The following ESRRG variants were observed in gnomAD, a reference collection of about 807,000 sequenced individuals.
ESRRG encodes estrogen related receptor gamma.
A neutral mutation model predicts 44.0 loss-of-function variants in ESRRG; 13 were observed. The ratio of observed to expected loss-of-function variants is 0.30; its 90% CI spans 0.19 to 0.47. The LOEUF (loss-of-function observed/expected upper bound fraction) is 0.47, where lower values mean the gene tolerates loss of function less well. Ranked by LOEUF, ESRRG falls within the 20% of genes least tolerant of loss-of-function variation. ESRRG has a pLI of 1.00. For missense variants in ESRRG, 395 were observed against 580.6 expected (o/e 0.68, Z 3.29); for synonymous variants, 215 against 214.6 (o/e 1.00, Z -0.02).
At chr1:216,836,903 A>G (rs2095573931) in intron 2 of ESRRG, among the ~76,000 whole-genome samples, 1 of 152,172 alleles carries the variant, frequency 6.6e-6, no homozygotes, top group Non-Finnish European at 1.5e-5. Flanking sequence ...AACTGAGAAT[A>G]ATCCCAGATA....
chr1:217,036,266 T>C (rs887046356), intron 1 of ESRRG, among the ~76,000 whole-genome samples: 2 of 152,122 alleles, frequency 1.3e-5, no homozygotes, highest in Admixed American at 1.3e-4. Context: ...TTTCTCAAAG[T>C]CCTAAAGACA....
In ESRRG at chr1:216,535,086, T is replaced by A. The variant is rs190292589; in HGVS notation, c.863-15665A>T. ...TGGGTGTATGTAAGAGGCAAGGGTGTTCATAGGCAAAAGAATGTAATATTG... is the reference window on the plus strand; with the variant it reads ...TGGGTGTATGTAAGAGGCAAGGGTGATCATAGGCAAAAGAATGTAATATTG... On this transcript the variant is annotated intron_variant, in intron 5 of 6. Coordinates refer to ENST00000408911, the MANE Select transcript of ESRRG (RefSeq NM_001438.4). Among the ~76,000 whole-genome samples, 340 of 152,152 alleles carry A rather than the reference T, an allele frequency of 2.2e-3. 2 individuals are homozygous for A. Among genetic ancestry groups the A allele is most frequent in the Non-Finnish European group, 2.6e-3 (175 of 68,010 alleles).
chr1:216,737,777 TAA>T lies in ESRRG; in HGVS notation c.-13-60288_-13-60287del, dbSNP rs71817414. ...AGAACAACAATTAGCAAGAAGGGATTAAAAAAAAAAAACAATAAACTTATCTG... is the reference window on the plus strand; with the variant it reads ...AGAACAACAATTAGCAAGAAGGGATTAAAAAAAAAACAATAAACTTATCTG... On this transcript the variant is annotated intron_variant, in intron 2 of 7. Coordinates refer to the ESRRG transcript ENST00000359162. Among the ~76,000 whole-genome samples, 527 of 147,698 alleles carry T rather than the reference TAA, an allele frequency of 3.6e-3. 2 individuals are homozygous for T. The highest frequency in any genetic ancestry group is 0.011 in the African/African-American group (433 of 40,038).
intron 3 of ESRRG, among the ~76,000 whole-genome samples, chr1:216,647,051 G>A (rs2067756674): frequency 6.6e-6 from 1 of 152,076 alleles, no homozygotes; most frequent in Non-Finnish European, 1.5e-5. Flanking sequence ...GTTTGCTACT[G>A]ACAGTGAGCA....
chr1:216,971,414 G>A (rs2789554), intron 1 of ESRRG, among the ~76,000 whole-genome samples: 78,245 of 151,960 alleles, frequency 0.51, 21,912 homozygotes, highest in Middle Eastern at 0.7. Flanking sequence ...TTGGAAATGC[G>A]TGTCATCCAA....
intron 3 of ESRRG, among the ~76,000 whole-genome samples, chr1:216,585,933 G>A (rs1367519708): frequency 2.6e-5 from 4 of 152,088 alleles, no homozygotes; most frequent in African/African-American, 7.2e-5. Context: ...TCAGCTACTC[G>A]GGAGGCTGAG....
intron 1 of ESRRG, among the ~76,000 whole-genome samples, chr1:216,978,617 C>A (rs772953604): frequency 2.6e-4 from 39 of 152,194 alleles, no homozygotes; most frequent in Non-Finnish European, 5.0e-4. Context: ...TCATGGACAA[C>A]CCAGTTTCTC....
At chr1:216,774,450 C>T (rs2093513645) in intron 2 of ESRRG, among the ~76,000 whole-genome samples, 1 of 152,082 alleles carries the variant, frequency 6.6e-6, no homozygotes, top group Admixed American at 6.6e-5. Flanking sequence ...CTTCAGTCTC[C>T]TCTGTACATC....
At chr1:217,121,090 A>G (rs1036658055) in intron 1 of ESRRG, among the ~76,000 whole-genome samples, 3 of 151,126 alleles carry the variant, frequency 2.0e-5, no homozygotes, top group Non-Finnish European at 4.4e-5. Context: ...GTTACAGCAG[A>G]GGTGTCAGCT....
intron 1 of ESRRG, among the ~76,000 whole-genome samples, chr1:217,113,652 C>T (rs1209177033): frequency 1.3e-5 from 2 of 152,012 alleles, no homozygotes. Flanking sequence ...GAAGGAAAAC[C>T]TTACTTGATT....
At chr1:216,933,462 T>G (rs1342169629) in intron 2 of ESRRG, among the ~76,000 whole-genome samples, 1 of 152,038 alleles carries the variant, frequency 6.6e-6, no homozygotes, top group Non-Finnish European at 1.5e-5. Context: ...GTTTGAAAAT[T>G]TGGGGCACTG....
chr1:216,558,369 G>A (rs1051223019), intron 5 of ESRRG, among the ~76,000 whole-genome samples: 16 of 152,082 alleles, frequency 1.1e-4, no homozygotes, highest in African/African-American at 2.7e-4. Flanking sequence ...TCGTTTAGAC[G>A]CCAATGGTCC....
In ESRRG at chr1:216,837,388, G is replaced by A. The variant is rs77210708; in HGVS notation, c.-14+102194C>T. Among the ~76,000 whole-genome samples the A allele has an allele frequency of 2.8e-5, 4 of 143,638 alleles. No individual in the cohort carries two copies. The East Asian group carries it at 8.0e-4, about 29-fold the overall frequency. 94.2% of individuals were successfully genotyped at this position (143,638 alleles called of 152,430 possible). A position where few individuals can be genotyped will look rare whatever the true frequency, so the allele number is the denominator to read the frequency against. On this transcript the variant is annotated intron_variant, in intron 2 of 7. Coordinates refer to the ESRRG transcript ENST00000359162. ...ATCGTGCCACCGCACTCCAGCCTGG[G>A]CAACACAGCAAGACTCCGTATCAAA...
At chr1:216,529,533 G>A (rs1396256497) in intron 5 of ESRRG, among the ~76,000 whole-genome samples, 1 of 152,128 alleles carries the variant, frequency 6.6e-6, no homozygotes, top group African/African-American at 2.4e-5. Context: ...GCTTCAAAAA[G>A]AGATAGGCAT....
In ESRRG at chr1:216,557,590, C is replaced by T. The variant is rs539239639; in HGVS notation, c.862+6629G>A. ...ACCTACAGAATTGTTGTGGACATCA[C>T]ATAAAAGTTTATAAGGGTCTTTTGT... On this transcript the variant is annotated intron_variant, in intron 5 of 6. Transcript: ENST00000408911. Among the ~76,000 whole-genome samples the T allele has an allele frequency of 3.7e-4, 56 of 152,152 alleles. 1 individual carries two copies. In the South Asian group the frequency reaches 7.9e-3, roughly 21 times the overall value.
chr1:216,924,285 T>C (rs2062219797), intron 2 of ESRRG, among the ~76,000 whole-genome samples: 1 of 152,210 alleles, frequency 6.6e-6, no homozygotes. Flanking sequence ...CAGATGATAC[T>C]TCACGCAAGT....
At chr1:216,535,839 C>G (rs933954429) in intron 5 of ESRRG, among the ~76,000 whole-genome samples, 8 of 152,104 alleles carry the variant, frequency 5.3e-5, no homozygotes, top group Non-Finnish European at 7.4e-5. Flanking sequence ...TTTTCCCTCT[C>G]TGTTCACTGC....
At chr1:216,949,429 C>T (rs1312252795) in intron 1 of ESRRG, among the ~76,000 whole-genome samples, 1 of 152,110 alleles carries the variant, frequency 6.6e-6, no homozygotes, top group Non-Finnish European at 1.5e-5. Flanking sequence ...ATCATTACCC[C>T]TCTCCTGGCA....
chr1:216,871,168 A>C (rs2096254430), intron 2 of ESRRG, among the ~76,000 whole-genome samples: 1 of 152,016 alleles, frequency 6.6e-6, no homozygotes, highest in African/African-American at 2.4e-5. Context: ...TATCACATAC[A>C]TTTTAATATG....
Sources: gnomAD v4.1 joint callset for allele counts (sites outside exome capture counted in the v4.1 genomes callset) on GRCh38, gnomAD v4.1.1 for gene constraint, MANE v1.5 for transcripts, NCBI Gene and HGNC (gene_info 2026-07-23, HGNC 2026-07-21) for gene names.